The following KDM1A variants were observed in gnomAD, a reference collection of about 807,000 sequenced individuals.
The protein encoded by KDM1A is lysine demethylase 1A.
A neutral mutation model predicts 109.4 loss-of-function variants in KDM1A; 49 were observed. The ratio of observed to expected loss-of-function variants is 0.45; its 90% confidence interval spans 0.36 to 0.57. The LOEUF (loss-of-function observed/expected upper bound fraction) is 0.57. Ranked by LOEUF, KDM1A falls within the 20% of genes least tolerant of loss-of-function variation. The pLI is 0.00. For missense variants in KDM1A, 668 were observed against 1,116.6 expected (o/e 0.60, Z 5.73); for synonymous variants, 380 against 415.4 (o/e 0.91, Z 1.04).
rs1202262260 is a variant in KDM1A, at chr1:23,059,582, T to C, written c.1167+415T>C. On this transcript the variant is annotated intron_variant, in intron 9 of 20. Transcript: ENST00000400181. ...TTCTGTGTTCATAGGCTAACATTTT[T>C]GATGGGCTAATAGCCAAATGGTGGT... is the stretch of plus-strand genomic sequence containing the variant. 2.0e-5 allele frequency among the ~76,000 whole-genome samples: 3 copies of C among 152,324 alleles called. No homozygotes were observed. The East Asian group carries it at 5.8e-4, about 29-fold the overall frequency.
Position 23,030,507 on chromosome 1 carries a change from C to T in KDM1A, c.390C>T (p.Leu130=). 6.2e-7 allele frequency: 1 copy of T among 1,606,664 alleles called. No homozygotes were observed. Among genetic ancestry groups the T allele is most frequent in the East Asian group, 2.2e-5 (1 of 44,672 alleles). ...AGATGGATGAAAGCTTGGCCAACCTCTCAGAAGATGAGTATTATTCAGAAG... is the reference window on the plus strand; with the variant it reads ...AGATGGATGAAAGCTTGGCCAACCTTTCAGAAGATGAGTATTATTCAGAAG... ...YREMDESLAN[L]SEDEYYSEEE... is the part of the protein sequence containing the mutation. Residue 130 remains leucine (L), a synonymous_variant, in exon 2 of 21, where the codon CTC becomes CTT. Transcript: ENST00000400181.
In KDM1A at chr1:23,053,831, C is replaced by G; in HGVS notation, c.782C>G (p.Pro261Arg). ...FEATLQQLEA[P>R]YNSDTVLVHR... is the part of the protein sequence containing the mutation. ...GCTACTCTCCAACAATTAGAAGCACCTTATAACAGTAAGTAGTGTGTTCAA... is the reference window on the plus strand; with the variant it reads ...GCTACTCTCCAACAATTAGAAGCACGTTATAACAGTAAGTAGTGTGTTCAA... Residue 261 changes from proline to arginine, a missense_variant, in exon 5 of 21, where the codon CCT becomes CGT. Coordinates refer to ENST00000400181, the MANE Select transcript of KDM1A (RefSeq NM_001009999.3). 6.3e-7 allele frequency: 1 copy of G among 1,584,544 alleles called. No homozygotes were observed. The highest frequency in any genetic ancestry group is 8.7e-7 in the Non-Finnish European group (1 of 1,153,244).
intron 2 of KDM1A, among the ~76,000 whole-genome samples, chr1:23,032,762 T>A (rs1015516774): frequency 6.6e-6 from 1 of 152,226 alleles, no homozygotes; most frequent in African/African-American, 2.4e-5. Flanking sequence ...TCATAAAATA[T>A]TATCAGGTGA....
chr1:23,050,531 A>C lies in KDM1A; in HGVS notation c.711+11A>C, dbSNP rs775369259. The C allele has an allele frequency of 6.3e-7, 1 of 1,589,894 alleles. No homozygotes were observed. The highest frequency in any genetic ancestry group is 1.4e-5 in the African/African-American group (1 of 73,468). ...ATTAGAAACCGCACAGTAAGTTTCC[A>C]TTTCAGCTTTTTCACCTGGATTATA... On this transcript the variant is annotated intron_variant, in intron 4 of 20. Coordinates refer to ENST00000400181, the MANE Select transcript of KDM1A (RefSeq NM_001009999.3).
Position 23,079,815 on chromosome 1 carries a change from A to AT in KDM1A, c.2170+149dup. ...TGAAATACCTTCTAGGTACTGGGGTATAAAAATACCTGCCTTCAAGGAGCT... is the reference window on the plus strand; with the variant it reads ...TGAAATACCTTCTAGGTACTGGGGTATTAAAAATACCTGCCTTCAAGGAGCT... On this transcript the variant is annotated intron_variant, in intron 18 of 20. Transcript: ENST00000400181. This position sits in a 1 kb window ranked among gnomAD's most constrained non-coding sequence, Gnocchi z 5.6. The AT allele has an allele frequency of 2.0e-6, 1 of 507,240 alleles. No homozygotes were observed. The highest frequency in any genetic ancestry group is 3.8e-5 in the East Asian group (1 of 26,634). The allele number at this position is 507,240 out of a possible 1,614,324, so 31.4% of individuals were successfully genotyped here. A position where few individuals can be genotyped will look rare whatever the true frequency, so the allele number is the denominator to read the frequency against.
chr1:23,083,647 G>GTT lies in KDM1A; in HGVS notation c.*292_*293dup, dbSNP rs1178609386. On this transcript the variant is annotated 3_prime_UTR_variant, in exon 21 of 21. Transcript: ENST00000400181. ...TAGTCCCTTGGTGTGTGGGGTTTTT[G>GTT]TTTTTTTTTTATATTTTGAGAATAA... is the stretch of plus-strand genomic sequence containing the variant. 3.5e-5 allele frequency: 7 copies of GTT among 200,620 alleles called. No individual in the cohort carries two copies. The highest frequency in any genetic ancestry group is 2.0e-5 in the Non-Finnish European group (2 of 101,398). 12.4% of individuals were successfully genotyped at this position (200,620 alleles called of 1,614,324 possible). A position where few individuals can be genotyped will look rare whatever the true frequency, so the allele number is the denominator to read the frequency against.
intron 7 of KDM1A, among the ~76,000 whole-genome samples, chr1:23,057,087 A>G (rs772993889): frequency 6.6e-6 from 1 of 152,124 alleles, no homozygotes; most frequent in Non-Finnish European, 1.5e-5. Context: ...ACAGTGGTAG[A>G]AAGTTGGTGT....
intron 9 of KDM1A, among the ~76,000 whole-genome samples, chr1:23,063,227 TGTGG>T (rs71663236): frequency 0.46 from 27,639 of 60,428 alleles, 6,363 homozygotes; most frequent in Non-Finnish European, 0.56. Context: ...GGTGGGTGTG[TGTGG>T]GTGTGTGTGT....
chr1:23,038,704 T>C (rs766215080), intron 2 of KDM1A, among the ~76,000 whole-genome samples: 2 of 152,220 alleles, frequency 1.3e-5, no homozygotes, highest in Non-Finnish European at 2.9e-5. Flanking sequence ...TCCTTGCTAC[T>C]ACCCAGTGGA....
chr1:23,038,431 A>G (rs1174657136), intron 2 of KDM1A, among the ~76,000 whole-genome samples: 1 of 152,162 alleles, frequency 6.6e-6, no homozygotes, highest in Non-Finnish European at 1.5e-5. Flanking sequence ...AGTTATAAGA[A>G]ATGTTTTGTA....
At position 23,050,509 on chromosome 1, in the gene KDM1A, A is replaced by G; in HGVS notation, c.700A>G (p.Arg234Gly). ...GACCCAGAAGGTTTTTCTTTTCATT[A>G]GAAACCGCACAGTAAGTTTCCATTT... The part of the protein sequence containing the change: ...QQTQKVFLFI[R>G]NRTLQLWLDN... Residue 234 changes from arginine to glycine, a missense_variant, in exon 4 of 21, where the codon AGA becomes GGA. Around this residue, in one of 8 missense-constraint regions of KDM1A, gnomAD observed 149 missense variants for 189.7 expected, o/e 0.79. Transcript: ENST00000400181. 1 of 1,609,530 alleles carries G rather than the reference A, an allele frequency of 6.2e-7. No homozygotes were observed. Among genetic ancestry groups the G allele is most frequent in the Non-Finnish European group, 8.5e-7 (1 of 1,178,020 alleles).
chr1:23,051,399 CTT>C (rs1642665920), intron 4 of KDM1A, among the ~76,000 whole-genome samples: 1 of 152,154 alleles, frequency 6.6e-6, no homozygotes, highest in Non-Finnish European at 1.5e-5. Context: ...GTTATGAACA[CTT>C]TTAAATGTTT....
intron 2 of KDM1A, among the ~76,000 whole-genome samples, chr1:23,042,440 A>ATTATTTTTT (rs1553127465): frequency 1.9e-4 from 4 of 21,560 alleles, no homozygotes; most frequent in Non-Finnish European, 1.8e-4. Context: ...GAAATATATT[A>ATTATTTTTT]TTTTTTTTTT....
chr1:23,072,400 A>G (rs1296379360), intron 14 of KDM1A, among the ~76,000 whole-genome samples: 1 of 152,220 alleles, frequency 6.6e-6, no homozygotes, highest in Non-Finnish European at 1.5e-5. Context: ...ATACCTAAAC[A>G]GATTGTTTCT....
At chr1:23,055,500 A>G (rs1317751932) in intron 6 of KDM1A, 1 of 176,456 alleles carries the variant, frequency 5.7e-6, no homozygotes, top group Non-Finnish European at 1.2e-5. Context: ...CCCATTCTTT[A>G]TGTTGTCAAT....
intron 4 of KDM1A, among the ~76,000 whole-genome samples, chr1:23,051,615 A>G (rs1482221639): frequency 6.6e-6 from 1 of 152,130 alleles, no homozygotes; most frequent in Non-Finnish European, 1.5e-5. Context: ...TTTCTTTCAT[A>G]TCTTTTATTC....
intron 9 of KDM1A, among the ~76,000 whole-genome samples, chr1:23,060,695 G>A (rs1226535964): frequency 6.6e-6 from 1 of 152,186 alleles, no homozygotes; most frequent in Non-Finnish European, 1.5e-5. Context: ...GTCTGTAAAG[G>A]AGGGTAGGAT....
intron 1 of KDM1A, among the ~76,000 whole-genome samples, chr1:23,021,252 G>C (rs1159025642): frequency 1.3e-5 from 2 of 152,190 alleles, no homozygotes; most frequent in African/African-American, 4.8e-5. Flanking sequence ...GGTTAGAAAA[G>C]CACAGAGGTT....
At chr1:23,048,130 A>G (rs1259380402) in intron 3 of KDM1A, among the ~76,000 whole-genome samples, 2 of 152,170 alleles carry the variant, frequency 1.3e-5, no homozygotes, top group African/African-American at 4.8e-5. Flanking sequence ...TGTTAATAGT[A>G]TATACTTATG....
Sources: allele counts gnomAD v4.1 joint callset (sites outside exome capture counted in the v4.1 genomes callset), GRCh38; gene constraint gnomAD v4.1.1; regional missense constraint gnomAD v4.1.1; non-coding constraint Gnocchi (gnomAD v3.1); transcripts MANE v1.5; gene names NCBI Gene and HGNC (gene_info 2026-07-23, HGNC 2026-07-21).